LRRC7: variants seen among roughly 807,000 people sequenced by gnomAD.
LRRC7 encodes leucine-rich repeat-containing protein 7.
Under a neutral mutation model 175.7 loss-of-function variants are expected in LRRC7, and 23 were observed. The ratio of observed to expected loss-of-function variants is 0.13; its 90% CI spans 0.09 to 0.19. LRRC7 has a LOEUF of 0.19. Among genes scored for constraint, LRRC7 ranks in the 10% least tolerant of loss-of-function variants. LRRC7 has a pLI of 1.00. For synonymous variants in LRRC7, 685 were observed against 680.9 expected, an observed-to-expected ratio of 1.01 and a Z score of -0.09; for missense variants, 1,354 against 1,904.7, an observed-to-expected ratio of 0.71 and a Z score of 5.38.
chr1:69,674,938 G>A (rs574529804), intron 1 of LRRC7, among the ~76,000 whole-genome samples: 25 of 151,760 alleles, frequency 1.6e-4, no homozygotes, highest in African/African-American at 1.2e-4. Context: ...TTCATTTACC[G>A]AGCTCTCCAT....
In LRRC7 at chr1:70,038,566, A is replaced by G; in HGVS notation, c.2742A>G (p.Glu914=). 2 of 1,614,174 alleles carry G rather than the reference A, an allele frequency of 1.2e-6. No homozygotes were observed. Among genetic ancestry groups the G allele is most frequent in the Non-Finnish European group, 1.7e-6 (2 of 1,180,014 alleles). Residue 914 remains glutamate (E), a synonymous_variant, in exon 21 of 27, where the codon GAA becomes GAG. Transcript: ENST00000651989. ...CCAGCCCATTGCCTGAAAGGAAAGA[A>G]CATATAAAGGAATCTACTGAAATAC... ...PTTSPLPERK[E]HIKESTEIPS...
At chr1:69,982,881 G>A (rs1557956077) in intron 9 of LRRC7, among the ~76,000 whole-genome samples, 1 of 152,134 alleles carries the variant, frequency 6.6e-6, no homozygotes, top group African/African-American at 2.4e-5. Flanking sequence ...ACAGTCCTCA[G>A]GCTATGATTG....
intron 7 of LRRC7, among the ~76,000 whole-genome samples, chr1:69,839,588 C>T (rs772485509): frequency 1.3e-5 from 2 of 152,048 alleles, no homozygotes; most frequent in African/African-American, 4.8e-5. Flanking sequence ...TTGTCTGCCA[C>T]ATTTAAAGTA....
chr1:69,682,538 T>C (rs1660622040), intron 2 of LRRC7, among the ~76,000 whole-genome samples: 1 of 152,132 alleles, frequency 6.6e-6, no homozygotes, highest in Admixed American at 6.6e-5. Context: ...TGCAATGCTG[T>C]TAATATTACT....
At chr1:70,072,712 G>A (rs1424828665) in intron 23 of LRRC7, among the ~76,000 whole-genome samples, 1 of 152,176 alleles carries the variant, frequency 6.6e-6, no homozygotes, top group Non-Finnish European at 1.5e-5. Context: ...CATACTAATA[G>A]ATTACTAAAT....
intron 22 of LRRC7, among the ~76,000 whole-genome samples, chr1:70,049,369 G>A (rs1156503469): frequency 6.6e-6 from 1 of 152,050 alleles, no homozygotes; most frequent in Non-Finnish European, 1.5e-5. Flanking sequence ...CCAACATTTG[G>A]TATGCATTTA....
At chr1:69,671,663 G>C (rs926754494) in intron 1 of LRRC7, among the ~76,000 whole-genome samples, 1 of 152,092 alleles carries the variant, frequency 6.6e-6, no homozygotes, top group Non-Finnish European at 1.5e-5. Flanking sequence ...AGGCTTCCTG[G>C]AGCTCAATTT....
At chr1:69,714,108 G>A (rs1427408701) in intron 2 of LRRC7, among the ~76,000 whole-genome samples, 1 of 151,926 alleles carries the variant, frequency 6.6e-6, no homozygotes, top group East Asian at 1.9e-4. Flanking sequence ...TGCTCTCCAG[G>A]CCTTCCCTCT....
intron 7 of LRRC7, chr1:69,920,038 G>A (rs1387059273): frequency 1.5e-5 from 6 of 405,598 alleles, no homozygotes; most frequent in East Asian, 5.2e-5. Flanking sequence ...TTGGGGCTGC[G>A]ACCTCCAGAC....
intron 7 of LRRC7, among the ~76,000 whole-genome samples, chr1:69,895,483 A>C (rs923007736): frequency 1.3e-5 from 2 of 152,162 alleles, no homozygotes; most frequent in Non-Finnish European, 2.9e-5. Context: ...TAAAACAGAA[A>C]AATGTGTAGA....
At chr1:70,002,093 G>A (rs891053799) in intron 11 of LRRC7, among the ~76,000 whole-genome samples, 2 of 152,116 alleles carry the variant, frequency 1.3e-5, no homozygotes, top group African/African-American at 2.4e-5. Flanking sequence ...GTCTAGCTGC[G>A]AAGGAGATAC....
Position 70,143,807 on chromosome 1 carries a change from T to C in LRRC7, c.*21920T>C, listed in dbSNP as rs1439474578. 2 of 152,210 alleles carry C rather than the reference T, an allele frequency of 1.3e-5. No homozygotes were observed. Among genetic ancestry groups the C allele is most frequent in the African/African-American group, 4.8e-5 (2 of 41,438 alleles). The allele number at this position is 152,210 out of a possible 1,614,324, so 9.4% of individuals were successfully genotyped here. A position where few individuals can be genotyped will look rare whatever the true frequency, so the allele number is the denominator to read the frequency against. Reference sequence around the variant, plus strand: ...CTGTATTGTAATTAATATTTTGAGATAATTGTGATTTTGAGCTTAAATTAT... The same window carrying C: ...CTGTATTGTAATTAATATTTTGAGACAATTGTGATTTTGAGCTTAAATTAT... On this transcript the variant is annotated 3_prime_UTR_variant, in exon 27 of 27. Transcript: ENST00000651989.
chr1:69,839,473 AGGTT>A (rs911981796), intron 7 of LRRC7, among the ~76,000 whole-genome samples: 1 of 152,108 alleles, frequency 6.6e-6, no homozygotes, highest in African/African-American at 2.4e-5. Flanking sequence ...AACCCCTCCC[AGGTT>A]GGGGGCATAA....
intron 3 of LRRC7, among the ~76,000 whole-genome samples, chr1:69,769,612 A>G (rs1328863788): frequency 6.6e-6 from 1 of 152,126 alleles, no homozygotes; most frequent in African/African-American, 2.4e-5. Flanking sequence ...AAGATATCTC[A>G]TTATGTATAT....
chr1:70,072,663 G>A (rs1662478934), intron 23 of LRRC7, among the ~76,000 whole-genome samples: 1 of 152,004 alleles, frequency 6.6e-6, no homozygotes, highest in Non-Finnish European at 1.5e-5. Context: ...CCCATTGTTT[G>A]TTTTGCCAAG....
chr1:70,132,367 T>C lies in LRRC7; in HGVS notation c.*10480T>C, dbSNP rs1666699304. 1.3e-5 allele frequency: 2 copies of C among 152,284 alleles called. No individual in the cohort carries two copies. The highest frequency in any genetic ancestry group is 4.8e-5 in the African/African-American group (2 of 41,468). 9.4% of individuals were successfully genotyped at this position (152,284 alleles called of 1,614,324 possible). Reference sequence around the variant, plus strand: ...TTTGTCTAACGTCATAGGTAATGCTTTAGTCATACAACTTCTCAGAACAAG... The same window carrying C: ...TTTGTCTAACGTCATAGGTAATGCTCTAGTCATACAACTTCTCAGAACAAG... On this transcript the variant is annotated 3_prime_UTR_variant, in exon 27 of 27. Coordinates refer to ENST00000651989, the MANE Select transcript of LRRC7 (RefSeq NM_001370785.2).
intron 2 of LRRC7, among the ~76,000 whole-genome samples, chr1:69,689,664 A>T (rs1661600278): frequency 6.6e-6 from 1 of 152,168 alleles, no homozygotes; most frequent in South Asian, 2.1e-4. Flanking sequence ...TAAGTTTTAC[A>T]ACAAAGCTGA....
chr1:69,637,289 G>A (rs17131006), intron 1 of LRRC7, among the ~76,000 whole-genome samples: 3,667 of 151,936 alleles, frequency 0.024, 126 homozygotes, highest in African/African-American at 0.083. Flanking sequence ...TTTGTTTCAC[G>A]TCAATGTCTC....
chr1:69,732,039 G>A (rs1053197392), intron 2 of LRRC7, among the ~76,000 whole-genome samples: 2 of 151,740 alleles, frequency 1.3e-5, no homozygotes, highest in African/African-American at 4.8e-5. Context: ...TTATACCAAT[G>A]GAACGATTAT....
Sources: gnomAD v4.1 joint callset for allele counts (sites outside exome capture counted in the v4.1 genomes callset) on GRCh38, gnomAD v4.1.1 for gene constraint, MANE v1.5 for transcripts, NCBI Gene and HGNC (gene_info 2026-07-23, HGNC 2026-07-21) for gene names.